Variants in STK33 observed in about 807,000 individuals in gnomAD.
STK33 encodes the protein serine/threonine-protein kinase 33.
Under a neutral mutation model 58.0 loss-of-function variants are expected in STK33, and 52 were observed. The observed-to-expected ratio is 0.90, with a 90% CI of 0.72 to 1.13. The LOEUF (loss-of-function observed/expected upper bound fraction) is 1.13. Among genes scored for constraint, STK33 ranks in the 50% most tolerant of loss-of-function variants. STK33 has a pLI of 0.00. For missense variants in STK33, 630 were observed against 604.2 expected (o/e 1.04, Z -0.45); for synonymous variants, 215 against 200.1 (o/e 1.07, Z -0.63).
chr11:8,384,513 T>C, the STK33 span, among the ~76,000 whole-genome samples: 1 of 152,220 alleles, frequency 6.6e-6, no homozygotes, highest in Non-Finnish European at 1.5e-5. Flanking sequence ...CTCCTTGTGG[T>C]GCTGTGCTTC....
the STK33 span, among the ~76,000 whole-genome samples, chr11:8,374,994 A>G: frequency 6.6e-6 from 1 of 152,164 alleles, no homozygotes; most frequent in East Asian, 1.9e-4. Flanking sequence ...TTTAACAGAT[A>G]ACATTTCCTC....
chr11:8,430,330 A>T (rs1389982724), intron 14 of STK33, among the ~76,000 whole-genome samples: 2 of 152,190 alleles, frequency 1.3e-5, no homozygotes, highest in East Asian at 3.9e-4. Flanking sequence ...TTCTATTTTT[A>T]CCCACTTTTT....
chr11:8,418,037 G>A (rs1486910361), intron 14 of STK33, among the ~76,000 whole-genome samples: 1 of 151,962 alleles, frequency 6.6e-6, no homozygotes, highest in Non-Finnish European at 1.5e-5. Context: ...TATTCACAGG[G>A]ACTATTTACA....
rs190735948 is a variant in STK33, at chr11:8,440,858, C to T, written c.872-105G>A. ...GTGCTGATGTGCTGTAATTTATTCCCCCATAGGGAAAAGAGAACCAACAGC... is the reference window on the plus strand; with the variant it reads ...GTGCTGATGTGCTGTAATTTATTCCTCCATAGGGAAAAGAGAACCAACAGC... On this transcript the variant is annotated intron_variant, in intron 11 of 15. Transcript: ENST00000687296. 263 of 1,152,934 alleles carry T rather than the reference C, an allele frequency of 2.3e-4. 2 individuals carry two copies. The African/African-American group carries it at 3.8e-3, about 17-fold the overall frequency. 71.4% of individuals were successfully genotyped at this position (1,152,934 alleles called of 1,614,324 possible). A position where few individuals can be genotyped will look rare whatever the true frequency, so the allele number is the denominator to read the frequency against.
At chr11:8,544,506 AT>A (rs553680044) in intron 1 of STK33, among the ~76,000 whole-genome samples, 78 of 151,602 alleles carry the variant, frequency 5.1e-4, no homozygotes, top group Middle Eastern at 3.6e-3. Context: ...AGCTTTTTAA[AT>A]TTTTCAACTG....
chr11:8,385,829 C>T, the STK33 span, among the ~76,000 whole-genome samples: 1 of 151,642 alleles, frequency 6.6e-6, no homozygotes, highest in Non-Finnish European at 1.5e-5. Context: ...GGCTGGAGTG[C>T]AGCGGCGCTA....
intron 9 of STK33, among the ~76,000 whole-genome samples, chr11:8,456,649 C>T (rs1362392452): frequency 6.6e-6 from 1 of 152,092 alleles, no homozygotes; most frequent in African/African-American, 2.4e-5. Flanking sequence ...CCAAACTAAC[C>T]TCGAAGGAAA....
chr11:8,395,675 CTT>C (rs771621786), intron 15 of STK33, among the ~76,000 whole-genome samples: 1 of 152,106 alleles, frequency 6.6e-6, no homozygotes, highest in Admixed American at 6.5e-5. Flanking sequence ...GCAATATTCT[CTT>C]GTTTAGAAGT....
chr11:8,551,815 G>C (rs1270493126), intron 1 of STK33, among the ~76,000 whole-genome samples: 4 of 152,274 alleles, frequency 2.6e-5, no homozygotes, highest in East Asian at 1.9e-4. Flanking sequence ...GTTATTTCTA[G>C]GTCAGGGGAA....
intron 1 of STK33, among the ~76,000 whole-genome samples, chr11:8,568,060 T>A (rs185844390): frequency 6.6e-6 from 1 of 152,136 alleles, no homozygotes; most frequent in Admixed American, 6.5e-5. Flanking sequence ...GTGCATAAAA[T>A]TGAAAGATGG....
At position 8,392,513 on chromosome 11, in the gene STK33, G is replaced by C. The variant is rs1177313993; in HGVS notation, c.1542C>G (p.Leu514=). The C allele has an allele frequency of 1.2e-6, 2 of 1,614,164 alleles. No homozygotes were observed. Among genetic ancestry groups the C allele is most frequent in the Middle Eastern group, 1.7e-4 (1 of 6,050 alleles). ...SGALSRTKKK[L] ...CTGTCCAACACTGGAGGGAACCTTA[G>C]AGTTTCTTTTTGGTTCTGGACAGGG... Residue 514 remains leucine, a synonymous_variant, in exon 16 of 16, where the codon CTC becomes CTG. Coordinates refer to ENST00000687296, the MANE Select transcript of STK33 (RefSeq NM_001352389.2).
intron 9 of STK33, among the ~76,000 whole-genome samples, chr11:8,456,892 A>T (rs1161701980): frequency 1.3e-5 from 2 of 152,120 alleles, no homozygotes. Flanking sequence ...GGATTTTGAC[A>T]GTGGGGCAGG....
chr11:8,450,595 G>T (rs1027748978), intron 11 of STK33, among the ~76,000 whole-genome samples: 4 of 148,032 alleles, frequency 2.7e-5, no homozygotes, highest in Admixed American at 1.4e-4. Context: ...AAAAGTTCAT[G>T]ATTTTTATTA....
At chr11:8,383,886 G>A in the STK33 span, among the ~76,000 whole-genome samples, 1 of 152,136 alleles carries the variant, frequency 6.6e-6, no homozygotes, top group African/African-American at 2.4e-5. Context: ...ACACAGTTTC[G>A]CTATTAACTC....
intron 14 of STK33, among the ~76,000 whole-genome samples, chr11:8,417,946 C>T (rs1215502947): frequency 6.6e-6 from 1 of 152,086 alleles, no homozygotes; most frequent in Non-Finnish European, 1.5e-5. Flanking sequence ...CTTATATAAA[C>T]TGGCACAGTA....
At chr11:8,573,038 G>T (rs1295209670) in intron 1 of STK33, among the ~76,000 whole-genome samples, 1 of 151,834 alleles carries the variant, frequency 6.6e-6, no homozygotes, top group Non-Finnish European at 1.5e-5. Context: ...GATCCAAGAA[G>T]TTCAACAAAC....
chr11:8,445,021 A>G (rs576644387), intron 11 of STK33, among the ~76,000 whole-genome samples: 8 of 152,338 alleles, frequency 5.3e-5, no homozygotes, highest in African/African-American at 1.4e-4. Context: ...CCTATCCATG[A>G]GCATGGAATG....
chr11:8,362,234 A>G, the STK33 span, among the ~76,000 whole-genome samples: 1 of 152,170 alleles, frequency 6.6e-6, no homozygotes, highest in African/African-American at 2.4e-5. Flanking sequence ...TTTTAACTAG[A>G]AAAATAGTGT....
At chr11:8,570,196 G>C (rs375626146) in intron 1 of STK33, among the ~76,000 whole-genome samples, 2 of 152,072 alleles carry the variant, frequency 1.3e-5, no homozygotes, top group East Asian at 3.9e-4. Context: ...ATAAATGTAA[G>C]TTAAAACCAC....
Sources: allele counts gnomAD v4.1 joint callset (sites outside exome capture counted in the v4.1 genomes callset), GRCh38; gene constraint gnomAD v4.1.1; transcripts MANE v1.5; gene names NCBI Gene and HGNC (gene_info 2026-07-23, HGNC 2026-07-21).